Variants in CRYBA2 observed in about 807,000 individuals in gnomAD.
CRYBA2 encodes beta-crystallin A2.
In CRYBA2, 17 loss-of-function variants were observed where a neutral mutation model predicts 18.5. The observed-to-expected ratio is 0.92, with a 90% confidence interval of 0.63 to 1.38. CRYBA2 has a LOEUF of 1.38. Ranked by LOEUF, CRYBA2 falls within the 40% of genes most tolerant of loss-of-function variation. The probability of loss-of-function intolerance (pLI) is 0.00; values close to 1 mark genes in which losing one functional copy is unlikely to be tolerated. For missense variants in CRYBA2, 271 were observed against 265.0 expected, an observed-to-expected ratio of 1.02 and a Z score of -0.16; for synonymous variants, 101 against 106.2, an observed-to-expected ratio of 0.95 and a Z score of 0.30.
rs1462502151 is a variant in CRYBA2 at position 218,993,054 on chromosome 2, G to T, written c.123C>A (p.Gly41=). ...CCTTGACCGAGCGCACCCTGGGCAG[G>T]CCTCCGCGCTCGCAGACGTTCGCAC... The part of the protein sequence containing the change: ...SDCANVCERG[G]LPRVRSVKVE... Residue 41 remains glycine (G), a synonymous_variant, in exon 1 of 4, where the codon GGC becomes GGA. Transcript: ENST00000295728. This position sits in a 1 kb window ranked among gnomAD's most constrained non-coding sequence, Gnocchi z 7.7. The T allele has an allele frequency of 1.2e-6, 2 of 1,610,188 alleles. No homozygotes were observed. The highest frequency in any genetic ancestry group is 1.7e-5 in the Admixed American group (1 of 59,878).
At chr2:218,992,879 T>G in intron 1 of CRYBA2, 137 bp downstream of exon 1, 1 of 628,490 alleles carries the variant, frequency 1.6e-6, no homozygotes, top group Non-Finnish European at 2.7e-6. Flanking sequence ...GGTGGGGAAT[T>G]TTGGGGAGGC....
In CRYBA2 at chr2:218,992,213, C is replaced by T. The variant is rs772475497; in HGVS notation, c.192G>A (p.Gln64=). Residue 64 remains glutamine, a synonymous_variant, in exon 2 of 4, where the codon CAG becomes CAA. Coordinates refer to ENST00000295728, the MANE Select transcript of CRYBA2 (RefSeq NM_057093.2). The part of the protein sequence containing the change: ...VWVAFEYPDF[Q]GQQFILEKGD... Reference sequence around the variant, plus strand: ...CCTTCTCCAGAATGAACTGCTGTCCCTGGAAGTCGGGGTACTCAAAGGCCA... The same window carrying T: ...CCTTCTCCAGAATGAACTGCTGTCCTTGGAAGTCGGGGTACTCAAAGGCCA... 1 of 1,613,648 alleles carries T rather than the reference C, an allele frequency of 6.2e-7. No homozygotes were observed. Among genetic ancestry groups the T allele is most frequent in the East Asian group, 2.2e-5 (1 of 44,872 alleles).
Position 218,993,269 on chromosome 2 carries a change from T to G in CRYBA2, c.-93A>C. ...CAGCCTGCCCAACCTGGGTAGCGGA[T>G]GAAGAACCCGGGGGCTGGACCCGGC... On this transcript the variant is annotated 5_prime_UTR_variant, in exon 1 of 4. Coordinates refer to ENST00000295728, the MANE Select transcript of CRYBA2 (RefSeq NM_057093.2). The surrounding 1 kb of genome is among the most constrained non-coding windows in gnomAD (Gnocchi z 7.7). 1.5e-6 allele frequency: 2 copies of G among 1,333,660 alleles called. No homozygotes were observed. The highest frequency in any genetic ancestry group is 5.0e-5 in the Admixed American group (2 of 40,060). The allele number at this position is 1,333,660 out of a possible 1,614,324, so 82.6% of individuals were successfully genotyped here.
At position 218,992,999 on chromosome 2, in the gene CRYBA2, G is replaced by A. The variant is rs778175329; in HGVS notation, c.161+17C>T. On this transcript the variant is annotated intron_variant, in intron 1 of 3. Transcript: ENST00000295728. Reference sequence around the variant, plus strand: ...CGCCCCTCAACCCAGCCCAGCCGCGGCCAGGCAATCACTCACACGCCGTTT... The same window carrying A: ...CGCCCCTCAACCCAGCCCAGCCGCGACCAGGCAATCACTCACACGCCGTTT... The A allele has an allele frequency of 1.5e-5, 24 of 1,590,148 alleles. No individual in the cohort carries two copies. The highest frequency in any genetic ancestry group is 1.9e-5 in the Non-Finnish European group (22 of 1,163,822).
At chr2:218,991,066 C>G (rs1159579024) in intron 2 of CRYBA2, 72 bp from the exon 3 acceptor site, 4 of 1,574,898 alleles carry the variant, frequency 2.5e-6, no homozygotes, top group Non-Finnish European at 3.5e-6. Flanking sequence ...CTCTGCCTCA[C>G]TTCCCCCACC....
chr2:218,993,169 C>G lies in CRYBA2; in HGVS notation c.8G>C (p.Ser3Thr). The G allele has an allele frequency of 6.3e-7, 1 of 1,598,972 alleles. No individual in the cohort carries two copies. Among genetic ancestry groups the G allele is most frequent in the South Asian group, 1.1e-5 (1 of 89,876 alleles). Reference sequence around the variant, plus strand: ...GGGCGCCGGGCCCGGCGCGGGGGCGCTGCTCATGCCGCTGCGGACAGGAAG... The same window carrying G: ...GGGCGCCGGGCCCGGCGCGGGGGCGGTGCTCATGCCGCTGCGGACAGGAAG... MS[S>T]APAPGPAPAS... The change falls in exon 1 of 4, where the codon AGC becomes ACC. Residue 3 changes from serine (S) to threonine (T), a missense_variant. Coordinates refer to ENST00000295728, the MANE Select transcript of CRYBA2 (RefSeq NM_057093.2). The surrounding 1 kb of genome is among the most constrained non-coding windows in gnomAD (Gnocchi z 7.7).
At chr2:218,992,460 C>T (rs1040880479) in intron 1 of CRYBA2, among the ~76,000 whole-genome samples, 2 of 152,244 alleles carry the variant, frequency 1.3e-5, no homozygotes, top group East Asian at 1.9e-4. Context: ...AGGCTTCCCC[C>T]TCAAGGACCC....
chr2:218,992,479 GAA>G (rs1005971732), intron 1 of CRYBA2, among the ~76,000 whole-genome samples: 1 of 152,212 alleles, frequency 6.6e-6, no homozygotes, highest in Non-Finnish European at 1.5e-5. Flanking sequence ...CCCAGGTTGG[GAA>G]AGAGTTTTCC....
At position 218,990,907 on chromosome 2, in the gene CRYBA2, G is replaced by C. The variant is rs770242226; in HGVS notation, c.391C>G (p.Pro131Ala). 6.2e-7 allele frequency: 1 copy of C among 1,614,172 alleles called. No homozygotes were observed. The highest frequency in any genetic ancestry group is 1.1e-5 in the South Asian group (1 of 91,080). The change falls in exon 3 of 4, where the codon CCC (proline) becomes GCC (alanine). Residue 131 changes from proline (P) to alanine (A), a missense_variant. Physicochemically the swap from Pro to Ala is conservative, Grantham distance 27 (BLOSUM62 -1). Coordinates refer to ENST00000295728, the MANE Select transcript of CRYBA2 (RefSeq NM_057093.2). ...TCCTTGCTGGCCCAGCCCATGGAGG[G>C]CAGGGATGGGTAGTCATCAACGAGG... is the stretch of plus-strand genomic sequence containing the variant. ...FDLVDDYPSL[P>A]SMGWASKDVG...
In CRYBA2 at chr2:218,990,477, C is replaced by A. The variant is rs1282669704; in HGVS notation, c.447-78G>T. The A allele has an allele frequency of 3.2e-6, 5 of 1,540,624 alleles. No individual in the cohort carries two copies. In the African/African-American group the frequency reaches 5.5e-5, roughly 17 times the overall value. On this transcript the variant is annotated intron_variant, in intron 3 of 3. Transcript: ENST00000295728. ...CCTATGTTCTCCACCAGCAGCCCCC[C>A]TTTTGTAGCTCCCAACCCCCAGTTC...
chr2:218,991,847 G>A (rs1281453418), intron 2 of CRYBA2: 1 of 476,926 alleles, frequency 2.1e-6, no homozygotes, highest in East Asian at 3.7e-5. Context: ...ATGGAATGTG[G>A]GGGAACCCTG....
chr2:218,992,338 A>G, intron 1 of CRYBA2, 95 bp from the exon 2 acceptor site: 2 of 1,350,200 alleles, frequency 1.5e-6, no homozygotes, highest in East Asian at 4.8e-5. Flanking sequence ...GAGAAGCACA[A>G]TGTTTTTCTC....
At chr2:218,991,293 T>G in intron 2 of CRYBA2, 1 of 281,658 alleles carries the variant, frequency 3.6e-6, no homozygotes, top group Non-Finnish European at 6.6e-6. Context: ...TGGGCCCATT[T>G]TGCAGGAGCA....
At position 218,993,295 on chromosome 2, in the gene CRYBA2, C is replaced by T. The variant is rs1945521984; in HGVS notation, c.-119G>A. ...GAAGAACCCGGGGGCTGGACCCGGCCTAGCTCTGGACCCGGCTGCCAGGGG... is the reference window on the plus strand; with the variant it reads ...GAAGAACCCGGGGGCTGGACCCGGCTTAGCTCTGGACCCGGCTGCCAGGGG... On this transcript the variant is annotated 5_prime_UTR_variant, in exon 1 of 4. Transcript: ENST00000295728. This position sits in a 1 kb window ranked among gnomAD's most constrained non-coding sequence, Gnocchi z 7.7. The T allele has an allele frequency of 1.2e-5, 12 of 1,040,636 alleles. No homozygotes were observed. Among genetic ancestry groups the T allele is most frequent in the Admixed American group, 2.7e-5 (1 of 36,660 alleles). The allele number at this position is 1,040,636 out of a possible 1,614,324, so 64.5% of individuals were successfully genotyped here.
rs1008541862 is a variant in CRYBA2, at chr2:218,993,267, G to A, written c.-91C>T. On this transcript the variant is annotated 5_prime_UTR_variant, in exon 1 of 4. Coordinates refer to ENST00000295728, the MANE Select transcript of CRYBA2 (RefSeq NM_057093.2). The surrounding 1 kb of genome is among the most constrained non-coding windows in gnomAD (Gnocchi z 7.7). ...CACAGCCTGCCCAACCTGGGTAGCG[G>A]ATGAAGAACCCGGGGGCTGGACCCG... is the stretch of plus-strand genomic sequence containing the variant. 8.9e-6 allele frequency: 12 copies of A among 1,341,518 alleles called. No individual in the cohort carries two copies. Among genetic ancestry groups the A allele is most frequent in the Non-Finnish European group, 1.2e-5 (12 of 991,790 alleles). The allele number at this position is 1,341,518 out of a possible 1,614,324, so 83.1% of individuals were successfully genotyped here. A position where few individuals can be genotyped will look rare whatever the true frequency, so the allele number is the denominator to read the frequency against.
At position 218,993,122 on chromosome 2, in the gene CRYBA2, C is replaced by A. The variant is rs529907673; in HGVS notation, c.55G>T (p.Glu19Ter). The change falls in exon 1 of 4, where the codon GAG (glutamate) becomes TAG (stop). Residue 19 changes from glutamate to a stop codon, truncating the protein, a stop_gained. Transcript: ENST00000295728. LOFTEE classifies it high-confidence loss of function. This position sits in a 1 kb window ranked among gnomAD's most constrained non-coding sequence, Gnocchi z 7.7. ...PAPASLTLWD[E>*]EDFQGRRCRL... is the part of the protein sequence containing the mutation. ...CAGCGACGGCCCTGGAAGTCCTCCT[C>A]GTCCCAGAGCGTGAGGCTGGCGGGC... 6.2e-6 allele frequency: 10 copies of A among 1,611,480 alleles called. No individual in the cohort carries two copies. Among genetic ancestry groups the A allele is most frequent in the Admixed American group, 1.7e-5 (1 of 59,914 alleles).
chr2:218,990,375 G>A lies in CRYBA2; in HGVS notation c.471C>T (p.Gly157=). ...SGAWVAYQYP[G]YRGYQYVLER... is the part of the protein sequence containing the mutation. The stretch of plus-strand genomic sequence containing the variant: ...CCAACACATACTGGTAGCCTCGGTA[G>A]CCTGGGTACTGGTAGGCCACCCACC... The change falls in exon 4 of 4, where the codon GGC becomes GGT. Residue 157 remains glycine (G), a synonymous_variant. Transcript: ENST00000295728. 6.2e-7 allele frequency: 1 copy of A among 1,614,086 alleles called. No individual in the cohort carries two copies. Among genetic ancestry groups the A allele is most frequent in the Non-Finnish European group, 8.5e-7 (1 of 1,180,010 alleles).
intron 1 of CRYBA2, 140 bp from the exon 2 acceptor site, chr2:218,992,383 A>G: frequency 1.2e-6 from 1 of 856,806 alleles, no homozygotes; most frequent in Non-Finnish European, 1.8e-6. Context: ...CCCCCATTGT[A>G]TGGCAATCCA....
intron 2 of CRYBA2, 132 bp from the exon 3 acceptor site, chr2:218,991,126 A>G (rs1945493150): frequency 1.5e-6 from 2 of 1,370,936 alleles, no homozygotes; most frequent in African/African-American, 2.9e-5. Flanking sequence ...AGGCACTCCC[A>G]GAGCTCACCC....
Sources: allele counts gnomAD v4.1 joint callset (sites outside exome capture counted in the v4.1 genomes callset), GRCh38; gene constraint gnomAD v4.1.1; non-coding constraint Gnocchi (gnomAD v3.1); transcripts MANE v1.5; gene names NCBI Gene and HGNC (gene_info 2026-07-23, HGNC 2026-07-21).